The following RANBP2 variants were observed in gnomAD, a reference collection of about 807,000 sequenced individuals.
RANBP2 encodes E3 SUMO-protein ligase RanBP2.
A neutral mutation model predicts 303.6 loss-of-function variants in RANBP2; 57 were observed. That is an observed-to-expected ratio of 0.19 (90% CI 0.15 to 0.23). The LOEUF is 0.23. Ranked by LOEUF, RANBP2 falls within the 10% of genes least tolerant of loss-of-function variation. The probability of loss-of-function intolerance (pLI) is 1.00; values close to 1 mark genes in which losing one functional copy is unlikely to be tolerated. For missense variants in RANBP2, 3,138 were observed against 3,780.8 expected (o/e 0.83, Z 4.46); for synonymous variants, 1,167 against 1,301.5 (o/e 0.90, Z 2.23).
the RANBP2 span, among the ~76,000 whole-genome samples, chr2:108,988,438 C>T: frequency 2.0e-5 from 3 of 152,164 alleles, no homozygotes; most frequent in African/African-American, 7.2e-5. Flanking sequence ...CCCTCCTTCT[C>T]TCCCTCTCCC....
At chr2:109,319,569 C>T in the RANBP2 span, among the ~76,000 whole-genome samples, 1 of 152,350 alleles carries the variant, frequency 6.6e-6, no homozygotes, top group South Asian at 2.1e-4. Context: ...TGAAAACAAG[C>T]CCAGTGGGGC....
the RANBP2 span, among the ~76,000 whole-genome samples, chr2:109,668,325 T>C: frequency 8.3e-6 from 1 of 120,716 alleles, no homozygotes; most frequent in African/African-American, 3.2e-5. Flanking sequence ...AGTTTTGGCT[T>C]AGTGGGTTTC....
chr2:109,157,499 A>G, the RANBP2 span, among the ~76,000 whole-genome samples: 1 of 152,228 alleles, frequency 6.6e-6, no homozygotes. Context: ...CACCCTCTGG[A>G]TCTGAAACTG....
At chr2:108,908,270 G>A in the RANBP2 span, among the ~76,000 whole-genome samples, 2 of 152,256 alleles carry the variant, frequency 1.3e-5, no homozygotes, top group Admixed American at 1.3e-4. Context: ...CTAAGGGGCT[G>A]GGGCTGCCAC....
the RANBP2 span, among the ~76,000 whole-genome samples, chr2:109,470,749 G>A: frequency 1.3e-5 from 2 of 152,186 alleles, no homozygotes; most frequent in East Asian, 1.9e-4. Flanking sequence ...TAGAGGCCTC[G>A]GCTCAGCCAC....
chr2:109,223,868 A>C, the RANBP2 span, among the ~76,000 whole-genome samples: 1 of 152,180 alleles, frequency 6.6e-6, no homozygotes, highest in Non-Finnish European at 1.5e-5. Flanking sequence ...GTGGTGGCAC[A>C]TGTCTGTTGT....
the RANBP2 span, among the ~76,000 whole-genome samples, chr2:108,871,084 G>C: frequency 6.6e-6 from 1 of 152,064 alleles, no homozygotes; most frequent in Non-Finnish European, 1.5e-5. Context: ...CATTATTTTA[G>C]ACACGTTCCT....
chr2:109,191,617 G>T, the RANBP2 span, among the ~76,000 whole-genome samples: 1 of 152,198 alleles, frequency 6.6e-6, no homozygotes, highest in East Asian at 1.9e-4. Context: ...CATGAAGAAA[G>T]TGGAATTGCA....
the RANBP2 span, among the ~76,000 whole-genome samples, chr2:108,902,276 T>G: frequency 6.6e-6 from 1 of 151,722 alleles, no homozygotes; most frequent in Non-Finnish European, 1.5e-5. Flanking sequence ...CTTGGGAGGC[T>G]GAGGCAAGAG....
chr2:109,335,811 C>T, the RANBP2 span, among the ~76,000 whole-genome samples: 27 of 152,216 alleles, frequency 1.8e-4, no homozygotes, highest in East Asian at 2.7e-3. Context: ...CTACCTTACG[C>T]GGCTGTAGAG....
At chr2:109,761,017 G>C in the RANBP2 span, among the ~76,000 whole-genome samples, 2 of 137,208 alleles carry the variant, frequency 1.5e-5, no homozygotes, top group African/African-American at 2.8e-5. Context: ...CCAGGGACTG[G>C]TGATCTAGGT....
At chr2:109,609,924 T>C in the RANBP2 span, among the ~76,000 whole-genome samples, 27 of 152,128 alleles carry the variant, frequency 1.8e-4, no homozygotes, top group African/African-American at 6.5e-4. Flanking sequence ...CAAGATCCAC[T>C]ATCTCAGTCA....
In RANBP2 at chr2:108,743,680, A is replaced by C. The variant is rs534039185; in HGVS notation, c.975+2999A>C. Among the ~76,000 whole-genome samples the C allele has an allele frequency of 3.3e-5, 5 of 152,328 alleles. No individual in the cohort carries two copies. The South Asian group carries it at 1.0e-3, about 32-fold the overall frequency. On this transcript the variant is annotated intron_variant, in intron 7 of 28. Transcript: ENST00000283195. ...TGTTAGGAGTTTCTTGGGTGTTCAG[A>C]AATATTTTTTGCATATGCAAATGTG...
chr2:109,748,787 C>T, the RANBP2 span, among the ~76,000 whole-genome samples: 4 of 150,842 alleles, frequency 2.7e-5, no homozygotes, highest in Admixed American at 6.6e-5. Flanking sequence ...GCAGGAGAAT[C>T]GCTTGAACCC....
At chr2:108,868,202 T>TA in the RANBP2 span, among the ~76,000 whole-genome samples, 2 of 152,118 alleles carry the variant, frequency 1.3e-5, no homozygotes, top group African/African-American at 2.4e-5. Context: ...TAATAAAAGT[T>TA]ACGTTTATTT....
Position 108,767,520 on chromosome 2 carries a change from A to G in RANBP2, c.6981A>G (p.Glu2327=). The stretch of plus-strand genomic sequence containing the variant: ...TAGTTGAAGTATCCAGTGGTGAGGA[A>G]AATGAACAAGTTGTTTTTAGTCACA... ...PDLVEVSSGE[E]NEQVVFSHRA... Residue 2327 remains glutamate, a synonymous_variant, in exon 20 of 29, where the codon GAA becomes GAG. Coordinates refer to ENST00000283195, the MANE Select transcript of RANBP2 (RefSeq NM_006267.5). The G allele has an allele frequency of 1.2e-6, 2 of 1,611,986 alleles. No individual in the cohort carries two copies. The highest frequency in any genetic ancestry group is 1.7e-6 in the Non-Finnish European group (2 of 1,179,848).
chr2:108,893,833 A>G, the RANBP2 span, among the ~76,000 whole-genome samples: 417 of 152,266 alleles, frequency 2.7e-3, 3 homozygotes, highest in African/African-American at 9.6e-3. Context: ...AATTGTCTCA[A>G]AATAATTATG....
the RANBP2 span, chr2:109,732,721 G>A: frequency 1.4e-4 from 87 of 633,750 alleles, no homozygotes; most frequent in East Asian, 2.4e-3. Context: ...GCCCGCCTTG[G>A]TTTATGTAGG....
At chr2:108,997,769 T>C in the RANBP2 span, among the ~76,000 whole-genome samples, 1 of 152,058 alleles carries the variant, frequency 6.6e-6, no homozygotes, top group East Asian at 1.9e-4. Context: ...CAGGCTCCTG[T>C]AATCCCAGCT....
Sources: allele counts gnomAD v4.1 joint callset (sites outside exome capture counted in the v4.1 genomes callset), GRCh38; gene constraint gnomAD v4.1.1; transcripts MANE v1.5; gene names NCBI Gene and HGNC (gene_info 2026-07-23, HGNC 2026-07-21).